Variants in SLC27A4 observed in about 807,000 individuals in gnomAD.
SLC27A4 encodes the protein solute carrier family 27 member 4, also known as long-chain fatty acid transport protein 4.
In SLC27A4, 33 loss-of-function variants were observed where a neutral mutation model predicts 64.4. The observed-to-expected ratio is 0.51, with a 90% confidence interval of 0.39 to 0.68. SLC27A4 has a LOEUF of 0.68. Among genes scored for constraint, SLC27A4 ranks in the 30% least tolerant of loss-of-function variants. The pLI is 0.00. For missense variants in SLC27A4, 824 were observed against 883.5 expected, an observed-to-expected ratio of 0.93 and a Z score of 0.85; for synonymous variants, 377 against 370.0, an observed-to-expected ratio of 1.02 and a Z score of -0.22.
chr9:128,360,391 T>C lies in SLC27A4; in HGVS notation c.1832T>C (p.Val611Ala), dbSNP rs2131275653. Residue 611 changes from valine (V) to alanine (A), a missense_variant, in exon 13 of 13, where the codon GTG (valine) becomes GCG (alanine). By Grantham distance (64) the Val-to-Ala change is moderately conservative (BLOSUM62 0). Transcript: ENST00000300456. The stretch of plus-strand genomic sequence containing the variant: ...AAGGAGGGCTTTGACCCGGCTATTG[T>C]GAAAGACCCGCTGTTCTATCTAGAT... ...LRKEGFDPAI[V>A]KDPLFYLDAQ... 6.2e-7 allele frequency: 1 copy of C among 1,614,132 alleles called. No homozygotes were observed. The highest frequency in any genetic ancestry group is 8.5e-7 in the Non-Finnish European group (1 of 1,180,026).
In SLC27A4 at chr9:128,345,670, G is replaced by C; in HGVS notation, c.556+121G>C. 1 of 1,212,760 alleles carries C rather than the reference G, an allele frequency of 8.2e-7. No individual in the cohort carries two copies. The allele number at this position is 1,212,760 out of a possible 1,614,324, so 75.1% of individuals were successfully genotyped here. On this transcript the variant is annotated intron_variant, in intron 3 of 12. Coordinates refer to ENST00000300456, the MANE Select transcript of SLC27A4 (RefSeq NM_005094.4). This position sits in a 1 kb window ranked among gnomAD's most constrained non-coding sequence, Gnocchi z 4.1. ...TGGTTAAGGGCACAGAGTGGAGTCA[G>C]ACAGCTTAGGCAGTGCCACGAGTAA...
At chr9:128,349,068 C>T (rs1235729613) in intron 4 of SLC27A4, among the ~76,000 whole-genome samples, 1 of 152,098 alleles carries the variant, frequency 6.6e-6, no homozygotes, top group African/African-American at 2.4e-5. Context: ...GGGTGAGGAG[C>T]AAGACCCTTT....
rs1382587845 is a variant in SLC27A4 at position 128,340,747 on chromosome 9, C to G, written c.-98C>G. On this transcript the variant is annotated 5_prime_UTR_variant, in exon 1 of 13. Transcript: ENST00000300456. Reference sequence around the variant, plus strand: ...AACCCTGCTGAGACCCGGCTCCGTGCGTCCAGGGGCGGCTAATGCCCCTCA... The same window carrying G: ...AACCCTGCTGAGACCCGGCTCCGTGGGTCCAGGGGCGGCTAATGCCCCTCA... 2 of 649,594 alleles carry G rather than the reference C, an allele frequency of 3.1e-6. No individual in the cohort carries two copies. Among genetic ancestry groups the G allele is most frequent in the Non-Finnish European group, 5.7e-6 (2 of 352,598 alleles). The allele number at this position is 649,594 out of a possible 1,614,324, so 40.2% of individuals were successfully genotyped here.
At position 128,355,519 on chromosome 9, in the gene SLC27A4, G is replaced by A; in HGVS notation, c.1584G>A (p.Leu528=). The change falls in exon 11 of 13, where the codon CTG becomes CTA. Residue 528 remains leucine, a synonymous_variant. Transcript: ENST00000300456. The part of the protein sequence containing the change: ...TTEVEGTLSR[L]LDMADVAVYG... ...AGGTGGAAGGCACACTCAGCCGCCTGCTGGACATGGCTGACGTGGCCGTGT... is the reference window on the plus strand; with the variant it reads ...AGGTGGAAGGCACACTCAGCCGCCTACTGGACATGGCTGACGTGGCCGTGT... 6.2e-7 allele frequency: 1 copy of A among 1,612,860 alleles called. No homozygotes were observed. Among genetic ancestry groups the A allele is most frequent in the African/African-American group, 1.3e-5 (1 of 75,060 alleles).
rs796438854 is a variant in SLC27A4 at position 128,346,219 on chromosome 9, G to GT, written c.556+679dup. On this transcript the variant is annotated intron_variant, in intron 3 of 12. Transcript: ENST00000300456. ...CCTGGCCTACTAAAAAAAGTTTTTTGTTTTTTTTTGTTTTTTTTGTTGTTG... is the reference window on the plus strand; with the variant it reads ...CCTGGCCTACTAAAAAAAGTTTTTTGTTTTTTTTTTGTTTTTTTTGTTGTTG... Among the ~76,000 whole-genome samples, 153 of 144,292 alleles carry GT rather than the reference G, an allele frequency of 1.1e-3. 4 individuals carry two copies. The highest frequency in any genetic ancestry group is 4.4e-3 in the Middle Eastern group (1 of 226). 94.7% of individuals were successfully genotyped at this position (144,292 alleles called of 152,430 possible).
intron 3 of SLC27A4, among the ~76,000 whole-genome samples, chr9:128,347,682 G>A (rs1832676250): frequency 7.0e-6 from 1 of 142,516 alleles, no homozygotes; most frequent in African/African-American, 2.7e-5. Flanking sequence ...CTGCACTCCA[G>A]CCTGGGCGAC....
At position 128,353,365 on chromosome 9, in the gene SLC27A4, GT is replaced by G; in HGVS notation, c.1198-46del. 1 of 1,614,102 alleles carries G rather than the reference GT, an allele frequency of 6.2e-7. No individual in the cohort carries two copies. Among genetic ancestry groups the G allele is most frequent in the Non-Finnish European group, 8.5e-7 (1 of 1,180,036 alleles). ...AGTCCCACTTCCCCCTCATTGTCCA[GT>G]TTTGGGCCCATGGTGAGAGAGCCCA... On this transcript the variant is annotated intron_variant, in intron 8 of 12. Coordinates refer to ENST00000300456, the MANE Select transcript of SLC27A4 (RefSeq NM_005094.4). This position sits in a 1 kb window ranked among gnomAD's most constrained non-coding sequence, Gnocchi z 4.9.
Position 128,348,172 on chromosome 9 carries a change from G to A in SLC27A4, c.557-373G>A, listed in dbSNP as rs77352283. Among the ~76,000 whole-genome samples the A allele has an allele frequency of 3.9e-5, 6 of 152,022 alleles. No homozygotes were observed. The East Asian group carries it at 5.8e-4, about 15-fold the overall frequency. ...CACAGAGTAAGTAGTGCGGGATAGT[G>A]GGGGGGAGCCCAGACCTTGATGTGA... On this transcript the variant is annotated intron_variant, in intron 3 of 12. Transcript: ENST00000300456.
chr9:128,358,435 A>G (rs530562825), intron 12 of SLC27A4, among the ~76,000 whole-genome samples: 97 of 151,034 alleles, frequency 6.4e-4, no homozygotes, highest in African/African-American at 2.3e-3. Context: ...AATTTTGTTT[A>G]ATTAACTTAA....
Position 128,360,550 on chromosome 9 carries a change from C to G in SLC27A4, c.*59C>G. ...GGATCCGGAGCCCCAGGTTCCGCCCCAGAGCGGTCCTGGACAAGGCCAGAC... is the reference window on the plus strand; with the variant it reads ...GGATCCGGAGCCCCAGGTTCCGCCCGAGAGCGGTCCTGGACAAGGCCAGAC... On this transcript the variant is annotated 3_prime_UTR_variant, in exon 13 of 13. Transcript: ENST00000300456. 6.3e-7 allele frequency: 1 copy of G among 1,593,028 alleles called. No individual in the cohort carries two copies. Among genetic ancestry groups the G allele is most frequent in the Non-Finnish European group, 8.6e-7 (1 of 1,165,082 alleles).
At position 128,360,630 on chromosome 9, in the gene SLC27A4, A is replaced by T; in HGVS notation, c.*139A>T. The T allele has an allele frequency of 1.2e-6, 1 of 831,472 alleles. No individual in the cohort carries two copies. Among genetic ancestry groups the T allele is most frequent in the Non-Finnish European group, 1.9e-6 (1 of 523,380 alleles). 51.5% of individuals were successfully genotyped at this position (831,472 alleles called of 1,614,324 possible). A position where few individuals can be genotyped will look rare whatever the true frequency, so the allele number is the denominator to read the frequency against. On this transcript the variant is annotated 3_prime_UTR_variant, in exon 13 of 13. Transcript: ENST00000300456. ...CTGAGGTGCTGCCCCTCCATCCAAA[A>T]CTGCCAAGTGACTCATTGCCTTCCC... is the stretch of plus-strand genomic sequence containing the variant.
At chr9:128,358,787 A>G (rs1278663002) in intron 12 of SLC27A4, among the ~76,000 whole-genome samples, 1 of 152,122 alleles carries the variant, frequency 6.6e-6, no homozygotes, top group Non-Finnish European at 1.5e-5. Context: ...ATGAGGTCAT[A>G]TTGGACGGCG....
At position 128,345,493 on chromosome 9, in the gene SLC27A4, A is replaced by C; in HGVS notation, c.500A>C (p.His167Pro). ...NTNLRRDALL[H>P]CLTTSRARAL... Reference sequence around the variant, plus strand: ...AACCTGCGGCGGGATGCTCTGCTCCACTGCCTCACCACCTCGCGCGCACGG... The same window carrying C: ...AACCTGCGGCGGGATGCTCTGCTCCCCTGCCTCACCACCTCGCGCGCACGG... The change falls in exon 3 of 13, where the codon CAC becomes CCC. Residue 167 changes from histidine to proline, a missense_variant. Coordinates refer to ENST00000300456, the MANE Select transcript of SLC27A4 (RefSeq NM_005094.4). This position sits in a 1 kb window ranked among gnomAD's most constrained non-coding sequence, Gnocchi z 4.1. The C allele has an allele frequency of 6.2e-7, 1 of 1,612,270 alleles. No homozygotes were observed.
In SLC27A4 at chr9:128,345,266, G is replaced by A. The variant is rs376025892; in HGVS notation, c.273G>A (p.Thr91=). ...ASTVRRHPDK[T]ALIFEGTDTH... ...CCGTTCGGCGCCACCCCGACAAGACGGCCCTGATCTTCGAGGGCACAGATA... is the reference window on the plus strand; with the variant it reads ...CCGTTCGGCGCCACCCCGACAAGACAGCCCTGATCTTCGAGGGCACAGATA... The change falls in exon 3 of 13, where the codon ACG becomes ACA. Residue 91 remains threonine, a synonymous_variant. Coordinates refer to ENST00000300456, the MANE Select transcript of SLC27A4 (RefSeq NM_005094.4). This position sits in a 1 kb window ranked among gnomAD's most constrained non-coding sequence, Gnocchi z 4.1. The A allele has an allele frequency of 1.7e-5, 27 of 1,613,930 alleles. No individual in the cohort carries two copies. The highest frequency in any genetic ancestry group is 6.7e-5 in the African/African-American group (5 of 75,028).
intron 3 of SLC27A4, among the ~76,000 whole-genome samples, chr9:128,346,533 C>CT (rs1368429723): frequency 6.6e-6 from 1 of 151,862 alleles, no homozygotes; most frequent in Non-Finnish European, 1.5e-5. Flanking sequence ...CACGCCCGGC[C>CT]TAAAAAAAGT....
chr9:128,355,283 C>G (rs1222453529), intron 10 of SLC27A4, 93 bp downstream of exon 10: 2 of 1,589,298 alleles, frequency 1.3e-6, no homozygotes, highest in East Asian at 4.5e-5. Flanking sequence ...AGGACTCCCC[C>G]AGTCCTGGCC....
At chr9:128,343,088 G>T in intron 1 of SLC27A4, 39 bp from the exon 2 acceptor site, 1 of 1,611,208 alleles carries the variant, frequency 6.2e-7, no homozygotes, top group Non-Finnish European at 8.5e-7. Context: ...GACCTGGAGG[G>T]TTGGGTGTTT....
rs190513802 is a variant in SLC27A4 at position 128,342,878 on chromosome 9, A to T, written c.-6-249A>T. 1.4e-5 allele frequency: 8 copies of T among 573,334 alleles called. No homozygotes were observed. In the East Asian group the frequency reaches 2.4e-4, roughly 17 times the overall value. 35.5% of individuals were successfully genotyped at this position (573,334 alleles called of 1,614,324 possible). A position where few individuals can be genotyped will look rare whatever the true frequency, so the allele number is the denominator to read the frequency against. ...TTGGAGAATGGTGGGCAGAGATGGG[A>T]CTATGAGACGAGAACCAGCCTCCTG... On this transcript the variant is annotated intron_variant, in intron 1 of 12. Transcript: ENST00000300456.
At chr9:128,355,905 G>A in intron 12 of SLC27A4, 109 bp downstream of exon 12, 1 of 1,446,920 alleles carries the variant, frequency 6.9e-7, no homozygotes, top group Non-Finnish European at 9.6e-7. Context: ...TGGCCGGGCA[G>A]TTGGTAAAGT....
Sources: allele counts gnomAD v4.1 joint callset (sites outside exome capture counted in the v4.1 genomes callset), GRCh38; gene constraint gnomAD v4.1.1; non-coding constraint Gnocchi (gnomAD v3.1); transcripts MANE v1.5; gene names NCBI Gene and HGNC (gene_info 2026-07-23, HGNC 2026-07-21).